ASTN1: variants seen among roughly 807,000 people sequenced by gnomAD.
The protein encoded by ASTN1 is astrotactin-1.
A neutral mutation model predicts 140.7 loss-of-function variants in ASTN1; 41 were observed. The ratio of observed to expected loss-of-function variants is 0.29; its 90% CI spans 0.23 to 0.38. The LOEUF (loss-of-function observed/expected upper bound fraction) is 0.38, where lower values mean the gene tolerates loss of function less well. ASTN1 is among the 10% of genes least tolerant of loss of function. ASTN1 has a pLI of 1.00. For missense variants in ASTN1, 1,479 were observed against 1,678.8 expected (o/e 0.88, Z 2.08); for synonymous variants, 640 against 652.2 (o/e 0.98, Z 0.29).
intron 8 of ASTN1, among the ~76,000 whole-genome samples, chr1:176,985,220 T>C (rs776819345): frequency 3.3e-5 from 5 of 152,172 alleles, no homozygotes; most frequent in Admixed American, 6.5e-5. Context: ...AGTCTTTTCC[T>C]ATGCCAAGGA....
intron 19 of ASTN1, 144 bp downstream of exon 19, chr1:176,884,195 G>T: frequency 1.1e-6 from 1 of 951,010 alleles, no homozygotes; most frequent in Non-Finnish European, 1.5e-6. Context: ...TGGAGAAGAA[G>T]AACAGCTTCT....
In ASTN1 at chr1:177,144,377, T is replaced by C. The variant is rs898686509; in HGVS notation, c.283+20017A>G. Among the ~76,000 whole-genome samples the C allele has an allele frequency of 5.3e-5, 8 of 151,426 alleles. No individual in the cohort carries two copies. The South Asian group carries it at 1.0e-3, about 20-fold the overall frequency. ...ACGCCATTCTCCTGCCTCAGCCTCCTGAGTAGCTGGGACTACAGGCACCAG... is the reference window on the plus strand; with the variant it reads ...ACGCCATTCTCCTGCCTCAGCCTCCCGAGTAGCTGGGACTACAGGCACCAG... On this transcript the variant is annotated intron_variant, in intron 1 of 22. Transcript: ENST00000361833.
intron 1 of ASTN1, among the ~76,000 whole-genome samples, chr1:177,113,849 A>G (rs2102161643): frequency 1.3e-5 from 2 of 152,366 alleles, no homozygotes; most frequent in South Asian, 4.1e-4. Context: ...AGTCTCCCAC[A>G]GAAACCTAAG....
intron 1 of ASTN1, among the ~76,000 whole-genome samples, chr1:177,063,769 A>G (rs999361972): frequency 6.6e-6 from 1 of 152,122 alleles, no homozygotes; most frequent in Non-Finnish European, 1.5e-5. Context: ...TGCAGCGGAA[A>G]CCAAACTCTG....
chr1:177,058,447 T>C (rs1677915596), intron 2 of ASTN1, among the ~76,000 whole-genome samples: 1 of 152,096 alleles, frequency 6.6e-6, no homozygotes, highest in Non-Finnish European at 1.5e-5. Flanking sequence ...ATTTGAAAAA[T>C]AAAATGTCAT....
chr1:176,876,893 G>T (rs144903024), intron 20 of ASTN1, among the ~76,000 whole-genome samples: 2 of 152,290 alleles, frequency 1.3e-5, no homozygotes, highest in African/African-American at 4.8e-5. Context: ...TCTGGCATCA[G>T]GCACCGGTTC....
At chr1:176,895,369 T>C (rs1417751313) in intron 16 of ASTN1, among the ~76,000 whole-genome samples, 1 of 152,216 alleles carries the variant, frequency 6.6e-6, no homozygotes, top group Non-Finnish European at 1.5e-5. Flanking sequence ...ACCTTTATGA[T>C]AACTCTCTGC....
At chr1:176,975,678 C>T in intron 8 of ASTN1, among the ~76,000 whole-genome samples, 1 of 152,190 alleles carries the variant, frequency 6.6e-6, no homozygotes, top group East Asian at 1.9e-4. Flanking sequence ...AATATTCTCT[C>T]ATTAGAATAG....
At chr1:176,958,640 G>A (rs1009474187) in intron 9 of ASTN1, among the ~76,000 whole-genome samples, 158 bp from the exon 10 acceptor site, 3 of 152,230 alleles carry the variant, frequency 2.0e-5, no homozygotes, top group Non-Finnish European at 4.4e-5. Context: ...TTCTAAGGAG[G>A]CAGAGAGGCC....
chr1:176,927,343 A>C (rs1172215997), intron 16 of ASTN1, among the ~76,000 whole-genome samples: 1 of 152,250 alleles, frequency 6.6e-6, no homozygotes, highest in East Asian at 1.9e-4. Flanking sequence ...CAAAAGTAAT[A>C]GCAAGAAAAG....
intron 5 of ASTN1, among the ~76,000 whole-genome samples, chr1:177,026,134 G>T (rs1325102014): frequency 6.6e-6 from 1 of 152,164 alleles, no homozygotes; most frequent in Non-Finnish European, 1.5e-5. Flanking sequence ...GTTTCCTCTG[G>T]GTGCATGTGT....
rs780039050 is a variant in ASTN1, at chr1:176,943,966, C to T, written c.2302G>A (p.Val768Met). ...LDQQLPDGLVVATVPLENQCL... is the reference protein window; with the variant it reads ...LDQQLPDGLVMATVPLENQCL... Reference sequence around the variant, plus strand: ...TGATTCTCCAGGGGCACAGTGGCCACCACAAGACCATCTGGCAGTTGCTGG... The same window carrying T: ...TGATTCTCCAGGGGCACAGTGGCCATCACAAGACCATCTGGCAGTTGCTGG... The change falls in exon 14 of 23, where the codon GTG becomes ATG. Residue 768 changes from valine (V) to methionine (M), a missense_variant. Around this residue, in one of 3 missense-constraint regions of ASTN1, gnomAD observed 746 missense variants for 800.9 expected, o/e 0.93. Coordinates refer to ENST00000361833, the MANE Select transcript of ASTN1 (RefSeq NM_004319.3). The T allele has an allele frequency of 8.7e-6, 14 of 1,614,080 alleles. No homozygotes were observed. The highest frequency in any genetic ancestry group is 1.7e-4 in the Middle Eastern group (1 of 6,056).
intron 11 of ASTN1, among the ~76,000 whole-genome samples, chr1:176,957,369 T>C (rs115725620): frequency 1.4e-3 from 216 of 152,200 alleles, no homozygotes; most frequent in African/African-American, 5.1e-3. Flanking sequence ...TTTAGGTAGG[T>C]TTCTCCTAAA....
At chr1:177,018,824 C>T (rs1460827248) in intron 7 of ASTN1, among the ~76,000 whole-genome samples, 1 of 152,188 alleles carries the variant, frequency 6.6e-6, no homozygotes, top group Non-Finnish European at 1.5e-5. Context: ...AACAAAAAAA[C>T]CCTTGCAAAG....
intron 2 of ASTN1, among the ~76,000 whole-genome samples, chr1:177,038,275 T>C (rs1676819079): frequency 6.6e-6 from 1 of 152,198 alleles, no homozygotes; most frequent in African/African-American, 2.4e-5. Context: ...TCCACATAAC[T>C]CTAACCACAA....
At chr1:176,929,353 G>A (rs1671105892) in intron 16 of ASTN1, among the ~76,000 whole-genome samples, 2 of 152,210 alleles carry the variant, frequency 1.3e-5, no homozygotes, top group South Asian at 4.1e-4. Flanking sequence ...TCATAGAGAA[G>A]GCTATGTGGC....
intron 8 of ASTN1, among the ~76,000 whole-genome samples, chr1:177,003,720 G>C (rs1299571630): frequency 6.6e-6 from 1 of 151,972 alleles, no homozygotes; most frequent in African/African-American, 2.4e-5. Context: ...GCTGAGGCAG[G>C]AGAATCGCTT....
chr1:177,164,603 C>T lies in ASTN1; in HGVS notation c.74G>A (p.Gly25Asp), dbSNP rs754131522. The change falls in exon 1 of 23, where the codon GGC (glycine) becomes GAC (aspartate). Residue 25 changes from glycine (G) to aspartate (D), a missense_variant. By Grantham distance (94) the Gly-to-Asp change is moderately conservative. Around this residue, in one of 3 missense-constraint regions of ASTN1, gnomAD observed 729 missense variants for 860.4 expected, o/e 0.85. Transcript: ENST00000361833. ...CAGCTCCTTGGATGGATCCACGTCGCCGGCGGCCGTGGCCAGCACCGCCGC... is the reference window on the plus strand; with the variant it reads ...CAGCTCCTTGGATGGATCCACGTCGTCGGCGGCCGTGGCCAGCACCGCCGC... ...GPAAVLATAAGDVDPSKELEC... is the reference protein window; with the variant it reads ...GPAAVLATAADDVDPSKELEC... 1 of 1,612,134 alleles carries T rather than the reference C, an allele frequency of 6.2e-7. No individual in the cohort carries two copies. The highest frequency in any genetic ancestry group is 2.2e-5 in the East Asian group (1 of 44,772).
chr1:176,974,673 C>A (rs935339356), intron 8 of ASTN1, among the ~76,000 whole-genome samples: 1 of 152,168 alleles, frequency 6.6e-6, no homozygotes, highest in African/African-American at 2.4e-5. Flanking sequence ...GTGTGAGCCA[C>A]CGCACCCAGC....
Sources: allele counts gnomAD v4.1 joint callset (sites outside exome capture counted in the v4.1 genomes callset), GRCh38; gene constraint gnomAD v4.1.1; regional missense constraint gnomAD v4.1.1; transcripts MANE v1.5; gene names NCBI Gene and HGNC (gene_info 2026-07-23, HGNC 2026-07-21).